Variants in FYN observed in about 807,000 individuals in gnomAD.
FYN encodes the protein tyrosine-protein kinase Fyn.
FYN carries 10 observed loss-of-function variants against 70.2 expected under a neutral mutation model. The ratio of observed to expected loss-of-function variants is 0.14; its 90% CI spans 0.09 to 0.24. The LOEUF is 0.24. Among genes scored for constraint, FYN ranks in the 10% least tolerant of loss-of-function variants. The pLI, the probability that FYN is intolerant of heterozygous loss-of-function variation, is 1.00. For synonymous variants in FYN, 236 were observed against 248.6 expected (o/e 0.95, Z 0.48); for missense variants, 319 against 673.1 (o/e 0.47, Z 5.82).
chr6:111,711,812 A>T (rs943778683), intron 5 of FYN, among the ~76,000 whole-genome samples: 1 of 152,134 alleles, frequency 6.6e-6, no homozygotes, highest in Non-Finnish European at 1.5e-5. Flanking sequence ...CTTCCCTGTT[A>T]TTACCCTTGA....
chr6:111,739,523 C>T (rs563550261), intron 3 of FYN, among the ~76,000 whole-genome samples: 36 of 152,284 alleles, frequency 2.4e-4, no homozygotes, highest in South Asian at 4.2e-4. Flanking sequence ...TGAGAGGCCC[C>T]GCCGCTGGGC....
intron 3 of FYN, among the ~76,000 whole-genome samples, chr6:111,764,483 T>C (rs781149063): frequency 6.6e-6 from 1 of 152,086 alleles, no homozygotes; most frequent in African/African-American, 2.4e-5. Context: ...CAGAAAAGTG[T>C]GAAACCACAC....
intron 2 of FYN, among the ~76,000 whole-genome samples, chr6:111,822,066 C>G (rs1431077652): frequency 5.9e-5 from 9 of 152,174 alleles, no homozygotes; most frequent in African/African-American, 2.2e-4. Context: ...GTGGAAGACA[C>G]TGTGGTGATT....
chr6:111,778,318 G>A (rs1220910514), intron 3 of FYN, among the ~76,000 whole-genome samples: 1 of 152,196 alleles, frequency 6.6e-6, no homozygotes, highest in Non-Finnish European at 1.5e-5. Context: ...TAGAAAGTGA[G>A]TGGACTTACT....
chr6:111,765,224 T>C (rs1803183460), intron 3 of FYN, among the ~76,000 whole-genome samples: 1 of 152,072 alleles, frequency 6.6e-6, no homozygotes, highest in South Asian at 2.1e-4. Context: ...CTGAATTGTG[T>C]CCCCTCAAAT....
At chr6:111,673,584 T>A (rs1707869166) in intron 13 of FYN, among the ~76,000 whole-genome samples, 1 of 148,444 alleles carries the variant, frequency 6.7e-6, no homozygotes, top group Non-Finnish European at 1.5e-5. Context: ...GCAAGAGACC[T>A]AAATTCCTCA....
chr6:111,851,720 G>T (rs1316771850), intron 1 of FYN, among the ~76,000 whole-genome samples: 1 of 151,956 alleles, frequency 6.6e-6, no homozygotes, highest in African/African-American at 2.4e-5. Flanking sequence ...TGTGGCAAGG[G>T]TCACATATTT....
chr6:111,805,603 C>A (rs941410245), intron 2 of FYN, among the ~76,000 whole-genome samples: 1 of 152,092 alleles, frequency 6.6e-6, no homozygotes, highest in Admixed American at 6.6e-5. Context: ...CTCCTCCTAT[C>A]GGCTTCACAG....
chr6:111,708,112 A>T (rs1439191197), intron 5 of FYN, 92 bp from the exon 6 acceptor site: 2 of 906,330 alleles, frequency 2.2e-6, no homozygotes, highest in Non-Finnish European at 3.6e-6. Flanking sequence ...ACTGTCACCT[A>T]ATCATCCTGC....
At chr6:111,747,800 A>G (rs1802297163) in intron 3 of FYN, among the ~76,000 whole-genome samples, 1 of 152,154 alleles carries the variant, frequency 6.6e-6, no homozygotes, top group Admixed American at 6.5e-5. Context: ...CCTATTTGCT[A>G]TTTTTCTGAA....
intron 12 of FYN, among the ~76,000 whole-genome samples, chr6:111,677,005 A>C (rs1034563035): frequency 2.6e-5 from 4 of 152,216 alleles, no homozygotes; most frequent in Non-Finnish European, 4.4e-5. Context: ...ATAAACCTTC[A>C]AAAAATGTTA....
At chr6:111,857,068 C>T (rs896679685) in intron 1 of FYN, among the ~76,000 whole-genome samples, 10 of 152,128 alleles carry the variant, frequency 6.6e-5, no homozygotes, top group African/African-American at 2.2e-4. Flanking sequence ...TTTGAGTGTT[C>T]TGGTAACTAC....
chr6:111,869,138 G>A (rs1430359603), intron 1 of FYN, among the ~76,000 whole-genome samples: 1 of 152,222 alleles, frequency 6.6e-6, no homozygotes, highest in Non-Finnish European at 1.5e-5. Flanking sequence ...GGAAGCCTGT[G>A]GAGAACAGGG....
chr6:111,700,592 G>A (rs1428157304), intron 8 of FYN, among the ~76,000 whole-genome samples: 1 of 152,188 alleles, frequency 6.6e-6, no homozygotes, highest in African/African-American at 2.4e-5. Flanking sequence ...AGACATACAC[G>A]CAGACTGCTT....
chr6:111,688,348 C>A (rs939815865), intron 12 of FYN, among the ~76,000 whole-genome samples: 1 of 152,136 alleles, frequency 6.6e-6, no homozygotes, highest in Non-Finnish European at 1.5e-5. Context: ...AATAAACAAC[C>A]CTTTCTGGAG....
intron 2 of FYN, among the ~76,000 whole-genome samples, chr6:111,820,510 T>C (rs113119166): frequency 1.5e-4 from 23 of 152,296 alleles, no homozygotes; most frequent in African/African-American, 5.5e-4. Flanking sequence ...CTGTACCTTA[T>C]AAAAATTATA....
chr6:111,700,462 G>A (rs1408571128), intron 8 of FYN, among the ~76,000 whole-genome samples, 194 bp from the exon 9 acceptor site: 1 of 152,116 alleles, frequency 6.6e-6, no homozygotes, highest in South Asian at 2.1e-4. Flanking sequence ...ACCAGCAGAC[G>A]ACCACACACA....
intron 2 of FYN, among the ~76,000 whole-genome samples, chr6:111,824,704 A>G (rs1334356047): frequency 6.6e-6 from 1 of 151,854 alleles, no homozygotes; most frequent in African/African-American, 2.4e-5. Flanking sequence ...GGGTTTAGCT[A>G]TTTTTCTTCT....
intron 3 of FYN, among the ~76,000 whole-genome samples, chr6:111,723,107 A>C (rs1801031691): frequency 6.6e-6 from 1 of 152,220 alleles, no homozygotes; most frequent in Non-Finnish European, 1.5e-5. Flanking sequence ...AAAACAAAAT[A>C]AGCCCCATAT....
Sources: allele counts gnomAD v4.1 joint callset (sites outside exome capture counted in the v4.1 genomes callset), GRCh38; gene constraint gnomAD v4.1.1; transcripts MANE v1.5; gene names NCBI Gene and HGNC (gene_info 2026-07-23, HGNC 2026-07-21).